ATP10B: variants seen among roughly 807,000 people sequenced by gnomAD.
ATP10B encodes ATPase phospholipid transporting 10B (putative), also known as phospholipid-transporting ATPase VB.
Under a neutral mutation model 141.2 loss-of-function variants are expected in ATP10B, and 122 were observed. The observed-to-expected ratio is 0.86, with a 90% CI of 0.75 to 1.00. ATP10B has a LOEUF of 1.00. Among genes scored for constraint, ATP10B ranks in the 50% least tolerant of loss-of-function variants. The pLI, the probability that ATP10B is intolerant of heterozygous loss-of-function variation, is 0.00. For synonymous variants in ATP10B, 685 were observed against 692.0 expected, an observed-to-expected ratio of 0.99 and a Z score of 0.16; for missense variants, 1,876 against 1,825.3, an observed-to-expected ratio of 1.03 and a Z score of -0.51.
intron 2 of ATP10B, among the ~76,000 whole-genome samples, chr5:160,784,789 GA>G (rs1468733855): frequency 6.6e-6 from 1 of 152,104 alleles, no homozygotes; most frequent in African/African-American, 2.4e-5. Flanking sequence ...TTTCCTCTTA[GA>G]GGAAGCACTG....
intron 2 of ATP10B, among the ~76,000 whole-genome samples, chr5:160,775,564 C>G (rs1770238657): frequency 6.6e-6 from 1 of 152,118 alleles, no homozygotes; most frequent in Admixed American, 6.5e-5. Context: ...AGCTTGACTC[C>G]TTTAAACAAC....
At chr5:160,714,849 T>G (rs920447886) in intron 3 of ATP10B, among the ~76,000 whole-genome samples, 2 of 147,992 alleles carry the variant, frequency 1.4e-5, no homozygotes, top group African/African-American at 5.1e-5. Flanking sequence ...GACCCTCAGC[T>G]GCAGGTCTGT....
chr5:160,628,946 G>GA (rs200432432), intron 13 of ATP10B, among the ~76,000 whole-genome samples: 2,413 of 148,998 alleles, frequency 0.016, 62 homozygotes, highest in African/African-American at 0.054. Context: ...TGTCATAAAA[G>GA]AAAAAAAAAC....
intron 22 of ATP10B, among the ~76,000 whole-genome samples, chr5:160,591,850 C>A (rs1029873094): frequency 6.6e-6 from 1 of 152,180 alleles, no homozygotes; most frequent in Non-Finnish European, 1.5e-5. Flanking sequence ...ATGCCCCCTT[C>A]GTCTGGACTG....
chr5:160,870,485 G>C, the ATP10B span, among the ~76,000 whole-genome samples: 19 of 151,560 alleles, frequency 1.3e-4, no homozygotes, highest in Non-Finnish European at 2.4e-4. Flanking sequence ...AAGAATCTCT[G>C]AGCTTGAAAA....
At chr5:160,755,218 G>A (rs1768438538) in intron 2 of ATP10B, among the ~76,000 whole-genome samples, 1 of 152,012 alleles carries the variant, frequency 6.6e-6, no homozygotes, top group Non-Finnish European at 1.5e-5. Flanking sequence ...TGAAGGGAGA[G>A]GTGCCACACA....
intron 3 of ATP10B, among the ~76,000 whole-genome samples, chr5:160,715,859 T>C (rs571943692): frequency 1.3e-5 from 2 of 152,126 alleles, no homozygotes; most frequent in East Asian, 3.9e-4. Context: ...TATAGGTGCC[T>C]ACCACTACGC....
intron 7 of ATP10B, among the ~76,000 whole-genome samples, chr5:160,668,239 A>T (rs1052858934): frequency 6.6e-6 from 1 of 152,022 alleles, no homozygotes; most frequent in Non-Finnish European, 1.5e-5. Flanking sequence ...AAAAAAAAAA[A>T]AAAAAAAGGT....
At chr5:160,777,224 G>C (rs1770399091) in intron 2 of ATP10B, among the ~76,000 whole-genome samples, 1 of 152,202 alleles carries the variant, frequency 6.6e-6, no homozygotes, top group South Asian at 2.1e-4. Context: ...GGCACCCATG[G>C]CTTGTGCCAG....
the ATP10B span, among the ~76,000 whole-genome samples, chr5:160,877,324 A>C: frequency 2.2e-3 from 314 of 140,126 alleles, no homozygotes; most frequent in African/African-American, 7.5e-3. Flanking sequence ...GCCTTTGACA[A>C]AATTCAACAA....
intron 1 of ATP10B, among the ~76,000 whole-genome samples, chr5:160,842,600 G>T (rs1029190561): frequency 3.3e-5 from 5 of 151,770 alleles, no homozygotes; most frequent in Admixed American, 3.3e-4. Context: ...GGAACTTAAG[G>T]AATATTAAAA....
At chr5:160,648,223 AT>A (rs1427377177) in intron 8 of ATP10B, among the ~76,000 whole-genome samples, 1 of 152,140 alleles carries the variant, frequency 6.6e-6, no homozygotes, top group Non-Finnish European at 1.5e-5. Flanking sequence ...GAAAACTGTT[AT>A]AGCAAGCTTG....
rs184646684 is a variant in ATP10B, at chr5:160,779,473, T to C, written c.-331+6086A>G. Among the ~76,000 whole-genome samples, 579 of 152,294 alleles carry C rather than the reference T, an allele frequency of 3.8e-3. 4 individuals are homozygous for C. Among genetic ancestry groups the C allele is most frequent in the African/African-American group, 0.013 (557 of 41,564 alleles). ...ATATGCCCTAAAGGAGAGGGCAAGC[T>C]GGCAAGAAACTGAGGGAAATCTCTG... On this transcript the variant is annotated intron_variant, in intron 2 of 25. Transcript: ENST00000327245.
chr5:160,908,391 G>A, the ATP10B span, among the ~76,000 whole-genome samples: 75,279 of 151,838 alleles, frequency 0.5, 18,901 homozygotes, highest in Middle Eastern at 0.53. Context: ...CTTATTGAAT[G>A]TCCGCTGGCC....
intron 2 of ATP10B, among the ~76,000 whole-genome samples, chr5:160,776,455 A>C (rs894953367): frequency 1.3e-5 from 2 of 152,272 alleles, no homozygotes; most frequent in African/African-American, 4.8e-5. Context: ...CAGGGGCTAC[A>C]TTGTCTGATT....
intron 2 of ATP10B, among the ~76,000 whole-genome samples, chr5:160,718,460 C>T (rs1765785595): frequency 6.6e-6 from 1 of 152,178 alleles, no homozygotes; most frequent in Non-Finnish European, 1.5e-5. Flanking sequence ...ATACCATGGT[C>T]TCAGAATATC....
intron 1 of ATP10B, among the ~76,000 whole-genome samples, chr5:160,800,524 G>A (rs747099020): frequency 3.3e-5 from 5 of 152,178 alleles, no homozygotes; most frequent in African/African-American, 9.7e-5. Context: ...ATCCATTAAC[G>A]TTAGCCATTG....
At chr5:160,822,145 G>T (rs187574690) in intron 1 of ATP10B, among the ~76,000 whole-genome samples, 3 of 151,862 alleles carry the variant, frequency 2.0e-5, no homozygotes, top group African/African-American at 7.3e-5. Context: ...AATATATAAG[G>T]AGCTCAAACA....
At chr5:160,677,719 A>G (rs1436869689) in intron 6 of ATP10B, among the ~76,000 whole-genome samples, 3 of 152,216 alleles carry the variant, frequency 2.0e-5, no homozygotes, top group Non-Finnish European at 4.4e-5. Context: ...AGCATTTTAC[A>G]TGCAGTAACT....
Sources: allele counts gnomAD v4.1 joint callset (sites outside exome capture counted in the v4.1 genomes callset), GRCh38; gene constraint gnomAD v4.1.1; transcripts MANE v1.5; gene names NCBI Gene and HGNC (gene_info 2026-07-23, HGNC 2026-07-21).